DSCAML1: variants seen among roughly 807,000 people sequenced by gnomAD.
The protein encoded by DSCAML1 is DS cell adhesion molecule like 1, also known as cell adhesion molecule DSCAML1.
A neutral mutation model predicts 200.5 loss-of-function variants in DSCAML1; 38 were observed. The ratio of observed to expected loss-of-function variants is 0.19; its 90% CI spans 0.15 to 0.25. The LOEUF (loss-of-function observed/expected upper bound fraction) is 0.25, where lower values mean the gene tolerates loss of function less well. Ranked by LOEUF, DSCAML1 falls within the 10% of genes least tolerant of loss-of-function variation. DSCAML1 has a pLI of 1.00. For missense variants in DSCAML1, 2,223 were observed against 2,858.8 expected, an observed-to-expected ratio of 0.78 and a Z score of 5.07; for synonymous variants, 1,215 against 1,165.0, an observed-to-expected ratio of 1.04 and a Z score of -0.87.
intron 3 of DSCAML1, among the ~76,000 whole-genome samples, chr11:117,670,809 G>T (rs1271110971): frequency 6.6e-6 from 1 of 152,146 alleles, no homozygotes; most frequent in Non-Finnish European, 1.5e-5. Flanking sequence ...AAAGGCATGG[G>T]GAAGGCAGGA....
At position 117,672,102 on chromosome 11, in the gene DSCAML1, GA is replaced by G. The variant is rs71037491; in HGVS notation, c.511+104688del. ...GGCGACAGAGCGAGACTCCAGCTCA[GA>G]AAAAAAAAAAAAAAAAAAAAGAAGA... On this transcript the variant is annotated intron_variant, in intron 3 of 32. Coordinates refer to ENST00000651296, the MANE Select transcript of DSCAML1 (RefSeq NM_020693.4). Among the ~76,000 whole-genome samples, 139 of 94,444 alleles carry G rather than the reference GA, an allele frequency of 1.5e-3. 1 individual carries two copies. Among genetic ancestry groups the G allele is most frequent in the East Asian group, 6.7e-3 (24 of 3,576 alleles). The allele number at this position is 94,444 out of a possible 152,430, so 62.0% of individuals were successfully genotyped here.
At chr11:117,638,082 C>T (rs2052327854) in intron 3 of DSCAML1, among the ~76,000 whole-genome samples, 1 of 152,202 alleles carries the variant, frequency 6.6e-6, no homozygotes, top group East Asian at 1.9e-4. Context: ...TCAAGCTGGG[C>T]TCTCCTGGGG....
At chr11:117,618,410 T>C (rs1322321648) in intron 3 of DSCAML1, among the ~76,000 whole-genome samples, 1 of 152,220 alleles carries the variant, frequency 6.6e-6, no homozygotes, top group African/African-American at 2.4e-5. Context: ...CTTTGGAGAA[T>C]AAGTGAATTC....
chr11:117,791,525 C>G (rs1365105438), intron 1 of DSCAML1, among the ~76,000 whole-genome samples: 1 of 152,218 alleles, frequency 6.6e-6, no homozygotes, highest in African/African-American at 2.4e-5. Context: ...TTTGCCTCAC[C>G]TCAAATCCAA....
intron 11 of DSCAML1, 88 bp from the exon 12 acceptor site, chr11:117,482,250 C>A: frequency 6.9e-7 from 1 of 1,452,688 alleles, no homozygotes; most frequent in Non-Finnish European, 9.4e-7. Flanking sequence ...GCCCCCGCCC[C>A]AGCCCTCCTC....
At chr11:117,729,246 C>T (rs1259598299) in intron 3 of DSCAML1, among the ~76,000 whole-genome samples, 2 of 152,186 alleles carry the variant, frequency 1.3e-5, no homozygotes, top group Non-Finnish European at 2.9e-5. Flanking sequence ...GACCCACTAC[C>T]TCATACCATG....
intron 3 of DSCAML1, among the ~76,000 whole-genome samples, chr11:117,692,003 C>G (rs2053503740): frequency 6.6e-6 from 1 of 152,118 alleles, no homozygotes; most frequent in African/African-American, 2.4e-5. Context: ...AGGAGTACAT[C>G]AGCCTTTGAA....
intron 3 of DSCAML1, among the ~76,000 whole-genome samples, chr11:117,614,204 T>A (rs2051761886): frequency 6.6e-6 from 1 of 152,160 alleles, no homozygotes; most frequent in African/African-American, 2.4e-5. Flanking sequence ...GTCTTCCCCA[T>A]CAACTAAGCT....
At chr11:117,739,916 A>G (rs908895423) in intron 3 of DSCAML1, among the ~76,000 whole-genome samples, 5 of 152,242 alleles carry the variant, frequency 3.3e-5, no homozygotes, top group African/African-American at 1.2e-4. Context: ...CCCCTTTGAC[A>G]TAAAATATCT....
chr11:117,623,472 G>A (rs2051980919), intron 3 of DSCAML1, among the ~76,000 whole-genome samples: 1 of 152,096 alleles, frequency 6.6e-6, no homozygotes, highest in Non-Finnish European at 1.5e-5. Context: ...CGCCTCGGCT[G>A]CCCAAATTGC....
intron 1 of DSCAML1, among the ~76,000 whole-genome samples, chr11:117,791,660 A>G (rs1225024576): frequency 9.2e-5 from 14 of 152,344 alleles, no homozygotes; most frequent in Admixed American, 9.1e-4. Flanking sequence ...CATGCTATCC[A>G]GCTAGGTGAC....
At position 117,437,823 on chromosome 11, in the gene DSCAML1, C is replaced by T; in HGVS notation, c.4432+72G>A. The stretch of plus-strand genomic sequence containing the variant: ...TCCCCACCCCAGCCACCTTACACCC[C>T]ATACCTGGCCCCTCTAGCCCACCCT... On this transcript the variant is annotated intron_variant, in intron 25 of 32. Coordinates refer to ENST00000651296, the MANE Select transcript of DSCAML1 (RefSeq NM_020693.4). The surrounding 1 kb of genome is among the most constrained non-coding windows in gnomAD (Gnocchi z 5.3). 1 of 1,469,228 alleles carries T rather than the reference C, an allele frequency of 6.8e-7. No homozygotes were observed. The highest frequency in any genetic ancestry group is 9.0e-7 in the Non-Finnish European group (1 of 1,105,504). The allele number at this position is 1,469,228 out of a possible 1,614,324, so 91.0% of individuals were successfully genotyped here. A position where few individuals can be genotyped will look rare whatever the true frequency, so the allele number is the denominator to read the frequency against.
chr11:117,749,583 G>A (rs1025738004), intron 3 of DSCAML1, among the ~76,000 whole-genome samples: 2 of 152,234 alleles, frequency 1.3e-5, no homozygotes, highest in Non-Finnish European at 2.9e-5. Context: ...CTGAGCCTTC[G>A]GAACCAGCCC....
In DSCAML1 at chr11:117,617,392, T is replaced by A. The variant is rs575465285; in HGVS notation, c.512-84870A>T. ...CTCAGTATGCATGTTGTGGTATTTT[T>A]AAAAAGAGGTAAATAAGTCTCCTCA... On this transcript the variant is annotated intron_variant, in intron 3 of 32. Coordinates refer to ENST00000651296, the MANE Select transcript of DSCAML1 (RefSeq NM_020693.4). Among the ~76,000 whole-genome samples, 141 of 152,302 alleles carry A rather than the reference T, an allele frequency of 9.3e-4. 1 individual carries two copies. The highest frequency in any genetic ancestry group is 3.3e-3 in the African/African-American group (138 of 41,554).
At chr11:117,769,786 G>T (rs2055005482) in intron 3 of DSCAML1, among the ~76,000 whole-genome samples, 1 of 151,306 alleles carries the variant, frequency 6.6e-6, no homozygotes, top group South Asian at 2.1e-4. Context: ...TTGCTGAGAA[G>T]GTGAAACAAG....
chr11:117,502,004 C>T (rs771621272), intron 11 of DSCAML1, among the ~76,000 whole-genome samples: 25 of 152,142 alleles, frequency 1.6e-4, no homozygotes, highest in East Asian at 3.9e-4. Flanking sequence ...GTGTGTGGTG[C>T]GTGAGGTTTT....
rs547552994 is a variant in DSCAML1, at chr11:117,459,559, T to C, written c.3413-650A>G. On this transcript the variant is annotated intron_variant, in intron 18 of 32. Coordinates refer to ENST00000651296, the MANE Select transcript of DSCAML1 (RefSeq NM_020693.4). ...GCCTGGGTGAGTCTGGTGGAGCCGA[T>C]AGCCTTAGCCAGGAAGGGCTGGGAC... Among the ~76,000 whole-genome samples, 6 of 152,314 alleles carry C rather than the reference T, an allele frequency of 3.9e-5. No homozygotes were observed. The East Asian group carries it at 1.2e-3, about 29-fold the overall frequency.
chr11:117,448,151 C>G (rs1297121807), intron 20 of DSCAML1, among the ~76,000 whole-genome samples: 1 of 152,262 alleles, frequency 6.6e-6, no homozygotes, highest in African/African-American at 2.4e-5. Context: ...TTCCGGAGCC[C>G]GGGAGAGGAG....
intron 3 of DSCAML1, among the ~76,000 whole-genome samples, chr11:117,533,148 G>A (rs888991497): frequency 6.6e-6 from 1 of 151,898 alleles, no homozygotes; most frequent in Non-Finnish European, 1.5e-5. Flanking sequence ...CTCTAAAAAA[G>A]TAAAAATAAA....
Sources: gnomAD v4.1 joint callset for allele counts (sites outside exome capture counted in the v4.1 genomes callset) on GRCh38, gnomAD v4.1.1 for gene constraint, Gnocchi (gnomAD v3.1) non-coding constraint, MANE v1.5 for transcripts, NCBI Gene and HGNC (gene_info 2026-07-23, HGNC 2026-07-21) for gene names.